The following GRXCR2 variants were observed in gnomAD, a reference collection of about 807,000 sequenced individuals.
GRXCR2 encodes glutaredoxin and cysteine rich domain containing 2.
A neutral mutation model predicts 24.8 loss-of-function variants in GRXCR2; 23 were observed. That is an observed-to-expected ratio of 0.93 (90% CI 0.67 to 1.32). The LOEUF (loss-of-function observed/expected upper bound fraction) is 1.32. GRXCR2 is among the 40% of genes most tolerant of loss of function. The pLI, the probability that GRXCR2 is intolerant of heterozygous loss-of-function variation, is 0.00. For missense variants in GRXCR2, 315 were observed against 303.4 expected (o/e 1.04, Z -0.28); for synonymous variants, 130 against 116.1 (o/e 1.12, Z -0.77).
chr5:145,924,648 G>A (rs186358346), intron 2 of GRXCR2, among the ~76,000 whole-genome samples: 19 of 152,316 alleles, frequency 1.2e-4, no homozygotes, highest in African/African-American at 1.4e-4. Flanking sequence ...GCCTGCCTGA[G>A]TGTAAGTTCC....
intron 2 of GRXCR2, among the ~76,000 whole-genome samples, chr5:145,902,905 A>G (rs1244772787): frequency 6.6e-6 from 1 of 152,170 alleles, no homozygotes; most frequent in African/African-American, 2.4e-5. Flanking sequence ...TGCGCCCCCA[A>G]GGTCACAAAG....
chr5:145,904,983 G>A (rs1028810427), intron 2 of GRXCR2, among the ~76,000 whole-genome samples: 7 of 152,124 alleles, frequency 4.6e-5, no homozygotes, highest in Admixed American at 2.0e-4. Context: ...CGCATGCACC[G>A]TGACTTATCC....
In GRXCR2 at chr5:145,858,664, T is replaced by C. The variant is rs1302386833; in HGVS notation, c.*1069A>G. On this transcript the variant is annotated 3_prime_UTR_variant, in exon 3 of 3. Transcript: ENST00000377976. ...TGAAATCAAAATTATTATCACAGAA[T>C]GCAGCAGGTCTCAAGAGATAAATTT... is the stretch of plus-strand genomic sequence containing the variant. 1.3e-5 allele frequency: 2 copies of C among 152,206 alleles called. No homozygotes were observed. The highest frequency in any genetic ancestry group is 1.3e-4 in the Admixed American group (2 of 15,278). The allele number at this position is 152,206 out of a possible 1,614,324, so 9.4% of individuals were successfully genotyped here. A position where few individuals can be genotyped will look rare whatever the true frequency, so the allele number is the denominator to read the frequency against.
At chr5:145,916,229 G>A (rs965038705) in intron 2 of GRXCR2, among the ~76,000 whole-genome samples, 5 of 152,170 alleles carry the variant, frequency 3.3e-5, no homozygotes, top group Non-Finnish European at 7.3e-5. Context: ...GTCTGTCATC[G>A]TGGATGAGCA....
chr5:145,886,315 GC>G (rs1756780282), intron 2 of GRXCR2, among the ~76,000 whole-genome samples: 1 of 152,192 alleles, frequency 6.6e-6, no homozygotes, highest in African/African-American at 2.4e-5. Flanking sequence ...ACTTTGAAAT[GC>G]CTTTTCCTCA....
At chr5:145,908,045 C>T (rs1197736357) in intron 2 of GRXCR2, among the ~76,000 whole-genome samples, 1 of 152,104 alleles carries the variant, frequency 6.6e-6, no homozygotes, top group Non-Finnish European at 1.5e-5. Context: ...TCAGAGGAAG[C>T]TCCAGCCTTA....
intron 2 of GRXCR2, among the ~76,000 whole-genome samples, chr5:145,885,544 A>T (rs1389729500): frequency 1.3e-5 from 2 of 152,214 alleles, no homozygotes; most frequent in African/African-American, 4.8e-5. Context: ...TCAAAGTACA[A>T]CTTACAGAGC....
chr5:145,869,321 G>A (rs918576528), intron 1 of GRXCR2, among the ~76,000 whole-genome samples: 1 of 152,168 alleles, frequency 6.6e-6, no homozygotes, highest in Non-Finnish European at 1.5e-5. Flanking sequence ...TAGGTGTTCA[G>A]TAAATGTTAC....
intron 2 of GRXCR2, among the ~76,000 whole-genome samples, chr5:145,902,431 A>C (rs1267106892): frequency 6.6e-6 from 1 of 152,174 alleles, no homozygotes; most frequent in Non-Finnish European, 1.5e-5. Context: ...ACTAACATAT[A>C]GATGACCTCT....
chr5:145,906,046 A>G (rs111776893), intron 2 of GRXCR2, among the ~76,000 whole-genome samples: 2,306 of 152,246 alleles, frequency 0.015, 49 homozygotes, highest in African/African-American at 0.052. Flanking sequence ...CTGGGGCATA[A>G]TAGTCACAAG....
intron 2 of GRXCR2, among the ~76,000 whole-genome samples, chr5:145,895,026 G>A (rs1037781918): frequency 3.9e-5 from 6 of 152,002 alleles, no homozygotes; most frequent in Non-Finnish European, 7.4e-5. Flanking sequence ...CAGAACCAAC[G>A]ACAAAAACCA....
intron 2 of GRXCR2, among the ~76,000 whole-genome samples, chr5:145,929,981 C>G (rs985843038): frequency 1.3e-5 from 2 of 152,156 alleles, no homozygotes; most frequent in African/African-American, 4.8e-5. Flanking sequence ...TGAATCACAC[C>G]AGGAGAAAGT....
At chr5:145,931,086 C>T (rs913027416) in intron 2 of GRXCR2, among the ~76,000 whole-genome samples, 2 of 152,172 alleles carry the variant, frequency 1.3e-5, no homozygotes, top group African/African-American at 4.8e-5. Flanking sequence ...GGCTGGAGTG[C>T]AGTGGTGCGA....
intron 2 of GRXCR2, among the ~76,000 whole-genome samples, chr5:145,893,202 G>C (rs938214406): frequency 6.6e-6 from 1 of 152,100 alleles, no homozygotes; most frequent in African/African-American, 2.4e-5. Flanking sequence ...AGACCATCAA[G>C]GCTAGGAAGA....
upstream of GRXCR2, among the ~76,000 whole-genome samples, chr5:145,874,259 A>G (rs1756579153): frequency 6.7e-6 from 1 of 149,386 alleles, no homozygotes; most frequent in Admixed American, 6.7e-5. Flanking sequence ...GCTGGAGTGC[A>G]GTGGTACGAT....
At chr5:145,891,972 C>G (rs1756871937) in intron 2 of GRXCR2, among the ~76,000 whole-genome samples, 1 of 152,142 alleles carries the variant, frequency 6.6e-6, no homozygotes, top group South Asian at 2.1e-4. Context: ...ATTTGCTGTT[C>G]ACCAATATCC....
chr5:145,887,582 C>G (rs895591042), intron 2 of GRXCR2, among the ~76,000 whole-genome samples: 1 of 152,322 alleles, frequency 6.6e-6, no homozygotes, highest in African/African-American at 2.4e-5. Flanking sequence ...AAAATTGTCC[C>G]TCACCTCAGA....
intron 2 of GRXCR2, among the ~76,000 whole-genome samples, chr5:145,889,816 A>C (rs1006061036): frequency 6.6e-6 from 1 of 152,254 alleles, no homozygotes; most frequent in Non-Finnish European, 1.5e-5. Flanking sequence ...AAATCAACAG[A>C]AAGAAACTTC....
chr5:145,885,099 G>C (rs1756759547), intron 2 of GRXCR2, among the ~76,000 whole-genome samples: 1 of 147,434 alleles, frequency 6.8e-6, no homozygotes, highest in Non-Finnish European at 1.5e-5. Context: ...GTGTGTGTCT[G>C]TGTGTGTGTG....
Sources: allele counts gnomAD v4.1 joint callset (sites outside exome capture counted in the v4.1 genomes callset), GRCh38; gene constraint gnomAD v4.1.1; transcripts MANE v1.5; gene names NCBI Gene and HGNC (gene_info 2026-07-23, HGNC 2026-07-21).